PUDP: variants seen among roughly 807,000 people sequenced by gnomAD.
PUDP encodes the protein pseudouridine 5'-phosphatase.
In PUDP, 8 loss-of-function variants were observed where a neutral mutation model predicts 9.4. The observed-to-expected ratio is 0.85, with a 90% CI of 0.50 to 1.53. The LOEUF (loss-of-function observed/expected upper bound fraction) is 1.53. Among genes scored for constraint, PUDP ranks in the 40% most tolerant of loss-of-function variants. PUDP has a pLI of 0.00. For synonymous variants in PUDP, 99 were observed against 80.7 expected, an observed-to-expected ratio of 1.23 and a Z score of -1.22; for missense variants, 188 against 189.7, an observed-to-expected ratio of 0.99 and a Z score of 0.05.
At chrX:6,832,087 T>C (rs1015440582) in intron 3 of PUDP, among the ~76,000 whole-genome samples, 2 of 111,506 alleles carry the variant, frequency 1.8e-5, no homozygotes, top group African/African-American at 6.5e-5. Flanking sequence ...CAAAAACTGC[T>C]CTTTATCCCC....
chrX:7,122,599 G>A (rs1932373601), intron 1 of PUDP, among the ~76,000 whole-genome samples: 2 of 111,580 alleles, frequency 1.8e-5, no homozygotes, highest in Admixed American at 9.5e-5. Flanking sequence ...CCCTGCCCCC[G>A]TTTTGAATCT....
intron 3 of PUDP, among the ~76,000 whole-genome samples, chrX:7,075,181 G>C (rs1470028208): frequency 8.9e-6 from 1 of 111,983 alleles, no homozygotes; most frequent in Non-Finnish European, 1.9e-5. Context: ...CTTTAGGACA[G>C]GGTCTGGACA....
intron 3 of PUDP, among the ~76,000 whole-genome samples, chrX:6,727,551 C>G (rs1924754091): frequency 8.9e-6 from 1 of 112,046 alleles, no homozygotes; most frequent in African/African-American, 3.2e-5. Context: ...GGTGTGCACT[C>G]CTGTCTTGTT....
downstream of PUDP, among the ~76,000 whole-genome samples, chrX:7,048,593 A>G (rs1051718770): frequency 8.9e-6 from 1 of 112,415 alleles, no homozygotes; most frequent in Non-Finnish European, 1.9e-5. Context: ...CCTGTAGGAA[A>G]TTCACCCAGA....
At chrX:7,055,295 A>T (rs939917290) in intron 3 of PUDP, among the ~76,000 whole-genome samples, 3 of 111,209 alleles carry the variant, frequency 2.7e-5, no homozygotes, top group Non-Finnish European at 5.7e-5. Flanking sequence ...TCTGTCACCC[A>T]GGCTGGAGTG....
chrX:6,722,659 G>A (rs1307217166), upstream of PUDP, among the ~76,000 whole-genome samples: 10 of 111,314 alleles, frequency 9.0e-5, no homozygotes, highest in South Asian at 1.9e-3. Flanking sequence ...AGCCATAGAC[G>A]AACAGAGGTT....
intron 3 of PUDP, among the ~76,000 whole-genome samples, chrX:6,786,541 T>C (rs927245985): frequency 1.1e-4 from 12 of 112,658 alleles, no homozygotes; most frequent in African/African-American, 3.5e-4. Context: ...TTTCGGGGCA[T>C]TGTGTTGGTA....
At chrX:6,829,784 T>C (rs1333933597) in intron 3 of PUDP, among the ~76,000 whole-genome samples, 6 of 110,686 alleles carry the variant, frequency 5.4e-5, no homozygotes, top group Admixed American at 3.9e-4. Context: ...CTAGCTCCTC[T>C]ACATTCAGAG....
intron 3 of PUDP, among the ~76,000 whole-genome samples, chrX:6,854,737 T>C (rs1926879849): frequency 9.1e-6 from 1 of 110,110 alleles, no homozygotes; most frequent in Non-Finnish European, 1.9e-5. Flanking sequence ...TGGAAGTGGA[T>C]CATCATAAAG....
At chrX:7,125,087 T>C (rs1471466332) in intron 1 of PUDP, among the ~76,000 whole-genome samples, 1 of 110,288 alleles carries the variant, frequency 9.1e-6, no homozygotes, top group Non-Finnish European at 1.9e-5. Flanking sequence ...CTAAAGTCAA[T>C]GAAAGCTACA....
chrX:7,063,544 A>C (rs1930464351), intron 3 of PUDP, among the ~76,000 whole-genome samples: 1 of 112,094 alleles, frequency 8.9e-6, no homozygotes, highest in Admixed American at 9.4e-5. Context: ...AGAGTGTAGG[A>C]GGTACCGTGC....
intron 3 of PUDP, among the ~76,000 whole-genome samples, chrX:6,751,401 A>C (rs1290499212): frequency 9.0e-6 from 1 of 111,609 alleles, no homozygotes; most frequent in Non-Finnish European, 1.9e-5. Context: ...AAGAAATCAC[A>C]GTAGCTGGAA....
At chrX:7,104,844 C>T (rs1272372406) in intron 2 of PUDP, among the ~76,000 whole-genome samples, 5 of 112,011 alleles carry the variant, frequency 4.5e-5, no homozygotes, top group African/African-American at 1.6e-4. Context: ...ACATACATTT[C>T]AAAAGTAGGT....
At chrX:6,874,230 G>T (rs1022824797) in intron 3 of PUDP, among the ~76,000 whole-genome samples, 14 of 111,239 alleles carry the variant, frequency 1.3e-4, no homozygotes, top group African/African-American at 3.9e-4. Context: ...TTTAGGGGGG[G>T]TCTCATTCTA....
At chrX:7,129,445 G>A (rs1426927383) in intron 1 of PUDP, among the ~76,000 whole-genome samples, 1 of 111,826 alleles carries the variant, frequency 8.9e-6, no homozygotes, top group Non-Finnish European at 1.9e-5. Context: ...TGAGACTCCA[G>A]CAGTCAACAG....
chrX:7,057,905 G>C, intron 3 of PUDP: 3 of 647,540 alleles, frequency 4.6e-6, no homozygotes, highest in Non-Finnish European at 7.1e-6. Flanking sequence ...GGAAGGAGAA[G>C]GGCCCGCGGC....
At chrX:6,876,466 G>GTATA (rs1483535560) in intron 3 of PUDP, among the ~76,000 whole-genome samples, 1 of 104,847 alleles carries the variant, frequency 9.5e-6, no homozygotes, top group Admixed American at 1.1e-4. Flanking sequence ...ACATATATAT[G>GTATA]TATATACACA....
chrX:6,782,669 C>T (rs1397933862), intron 3 of PUDP, among the ~76,000 whole-genome samples: 4 of 112,179 alleles, frequency 3.6e-5, no homozygotes, highest in Non-Finnish European at 7.5e-5. Flanking sequence ...ATTGGTCTCC[C>T]CTGATGTCCA....
intron 3 of PUDP, among the ~76,000 whole-genome samples, chrX:6,925,543 C>A (rs150539753): frequency 8.9e-6 from 1 of 111,917 alleles, no homozygotes; most frequent in Non-Finnish European, 1.9e-5. Context: ...TTTAAAGAAG[C>A]CTACTCTGAG....
Sources: allele counts gnomAD v4.1 joint callset (sites outside exome capture counted in the v4.1 genomes callset), GRCh38; gene constraint gnomAD v4.1.1; transcripts MANE v1.5; gene names NCBI Gene and HGNC (gene_info 2026-07-23, HGNC 2026-07-21).